Variants in DOCK3 observed in about 807,000 individuals in gnomAD.
DOCK3 encodes the protein dedicator of cytokinesis protein 3.
A neutral mutation model predicts 265.6 loss-of-function variants in DOCK3; 60 were observed. The ratio of observed to expected loss-of-function variants is 0.23; its 90% CI spans 0.18 to 0.28. The LOEUF (loss-of-function observed/expected upper bound fraction) is 0.28, where lower values mean the gene tolerates loss of function less well. DOCK3 is among the 10% of genes least tolerant of loss of function. DOCK3 has a pLI of 1.00. For synonymous variants in DOCK3, 881 were observed against 938.0 expected, an observed-to-expected ratio of 0.94 and a Z score of 1.11; for missense variants, 1,981 against 2,594.3, an observed-to-expected ratio of 0.76 and a Z score of 5.14.
At chr3:51,310,630 T>C (rs1033761075) in intron 28 of DOCK3, among the ~76,000 whole-genome samples, 1 of 152,202 alleles carries the variant, frequency 6.6e-6, no homozygotes, top group Non-Finnish European at 1.5e-5. Flanking sequence ...TCCCAAGCCT[T>C]CTTCTCAGTT....
At chr3:50,840,683 C>A (rs2045780404) in intron 2 of DOCK3, among the ~76,000 whole-genome samples, 2 of 152,158 alleles carry the variant, frequency 1.3e-5, no homozygotes, top group Non-Finnish European at 2.9e-5. Flanking sequence ...CTCATGATGT[C>A]ATTTTCTGTT....
intron 1 of DOCK3, among the ~76,000 whole-genome samples, chr3:50,724,351 C>T (rs1178196807): frequency 6.6e-6 from 1 of 151,250 alleles, no homozygotes; most frequent in East Asian, 1.9e-4. Context: ...TGGGTATATA[C>T]CCAAAGGATT....
At chr3:50,910,174 A>G (rs529909461) in intron 4 of DOCK3, among the ~76,000 whole-genome samples, 10 of 151,998 alleles carry the variant, frequency 6.6e-5, no homozygotes, top group African/African-American at 2.4e-4. Flanking sequence ...ATGCTCCTTT[A>G]TCTCAGTGAA....
chr3:51,318,697 C>T (rs990426439), intron 32 of DOCK3, among the ~76,000 whole-genome samples: 2 of 151,806 alleles, frequency 1.3e-5, no homozygotes, highest in African/African-American at 4.8e-5. Flanking sequence ...GTAAAACTTA[C>T]GTTTATCTAG....
chr3:51,212,994 C>T (rs541149013), intron 13 of DOCK3, among the ~76,000 whole-genome samples: 1 of 152,156 alleles, frequency 6.6e-6, no homozygotes, highest in African/African-American at 2.4e-5. Context: ...TTCCTGGCTA[C>T]TGACATACTT....
chr3:50,971,703 T>C (rs1010989175), intron 5 of DOCK3, among the ~76,000 whole-genome samples: 3 of 132,240 alleles, frequency 2.3e-5, no homozygotes, highest in African/African-American at 5.8e-5. Flanking sequence ...TAAAGGACTT[T>C]ATTTACCAGA....
intron 3 of DOCK3, among the ~76,000 whole-genome samples, chr3:50,870,118 T>C (rs2047364248): frequency 6.6e-6 from 1 of 152,236 alleles, no homozygotes; most frequent in Admixed American, 6.5e-5. Context: ...TGTAAATATC[T>C]ATTCGATTCA....
chr3:50,984,948 G>A (rs918243935), intron 5 of DOCK3, among the ~76,000 whole-genome samples: 10 of 152,272 alleles, frequency 6.6e-5, no homozygotes, highest in East Asian at 3.9e-4. Flanking sequence ...ATACTGTGCC[G>A]TTTTATGTAA....
Position 50,757,163 on chromosome 3 carries a change from C to CTTTT in DOCK3, c.38-21492_38-21489dup, listed in dbSNP as rs34435343. Among the ~76,000 whole-genome samples, 236 of 81,572 alleles carry CTTTT rather than the reference C, an allele frequency of 2.9e-3. 1 individual carries two copies. Among genetic ancestry groups the CTTTT allele is most frequent in the Non-Finnish European group, 3.3e-3 (156 of 47,792 alleles). The allele number at this position is 81,572 out of a possible 152,430, so 53.5% of individuals were successfully genotyped here. ...CCACTGTGCCCAGTCAGATTGTCGTCTTTTTTTTTTTTTTTTTTTTTTTCT... is the reference window on the plus strand; with the variant it reads ...CCACTGTGCCCAGTCAGATTGTCGTCTTTTTTTTTTTTTTTTTTTTTTTTTTTCT... On this transcript the variant is annotated intron_variant, in intron 1 of 52. Transcript: ENST00000266037.
Position 51,064,531 on chromosome 3 carries a change from C to T in DOCK3, c.399C>T (p.His133=), listed in dbSNP as rs369975334. Residue 133 remains histidine, a synonymous_variant, in exon 6 of 53, where the codon CAC becomes CAT. Coordinates refer to ENST00000266037, the MANE Select transcript of DOCK3 (RefSeq NM_004947.5). ...TGCGAAGGCAGCTACTGTCTGGTCA[C>T]CTGACTCAGGATCAGGTGCGGGAGG... ...IDLRRQLLSG[H]LTQDQVREVK... 4.7e-5 allele frequency: 76 copies of T among 1,613,880 alleles called. No homozygotes were observed. Among genetic ancestry groups the T allele is most frequent in the Non-Finnish European group, 5.9e-5 (70 of 1,179,884 alleles).
intron 2 of DOCK3, among the ~76,000 whole-genome samples, chr3:50,836,117 C>T (rs542899669): frequency 6.6e-6 from 1 of 152,240 alleles, no homozygotes; most frequent in South Asian, 2.1e-4. Flanking sequence ...AGAAAAGAGC[C>T]TTATATTTTG....
chr3:50,951,200 C>A lies in DOCK3; in HGVS notation c.315+17123C>A, dbSNP rs201781605. Among the ~76,000 whole-genome samples the A allele has an allele frequency of 5.3e-5, 8 of 152,250 alleles. No individual in the cohort carries two copies. In the East Asian group the frequency reaches 1.4e-3, roughly 26 times the overall value. ...ATCCTCATTTAGCATTGGTGAGTCTCACACCTAGGAAGTAACTAAAGTGAC... is the reference window on the plus strand; with the variant it reads ...ATCCTCATTTAGCATTGGTGAGTCTAACACCTAGGAAGTAACTAAAGTGAC... On this transcript the variant is annotated intron_variant, in intron 5 of 52. Transcript: ENST00000266037.
Position 50,882,877 on chromosome 3 carries a change from T to A in DOCK3, c.163-7149T>A, listed in dbSNP as rs1476824535. ...AACTTGTAACCAACCCAAATGTCCA[T>A]CAATGATAGACTGGATTAAGAAAAT... On this transcript the variant is annotated intron_variant, in intron 3 of 52. Coordinates refer to ENST00000266037, the MANE Select transcript of DOCK3 (RefSeq NM_004947.5). 3.3e-5 allele frequency among the ~76,000 whole-genome samples: 5 copies of A among 152,272 alleles called. 1 individual carries two copies. The highest frequency in any genetic ancestry group is 9.6e-5 in the African/African-American group (4 of 41,542).
rs942193120 is a variant in DOCK3, at chr3:51,359,072, G to A, written c.4884+995G>A. Among the ~76,000 whole-genome samples, 2 of 152,256 alleles carry A rather than the reference G, an allele frequency of 1.3e-5. No individual in the cohort carries two copies. Among genetic ancestry groups the A allele is most frequent in the African/African-American group, 4.8e-5 (2 of 41,468 alleles). On this transcript the variant is annotated intron_variant, in intron 46 of 52. Coordinates refer to ENST00000266037, the MANE Select transcript of DOCK3 (RefSeq NM_004947.5). The surrounding 1 kb of genome is among the most constrained non-coding windows in gnomAD (Gnocchi z 4.8). The stretch of plus-strand genomic sequence containing the variant: ...GACAGAAGTGGCAGGGAGACAAGAA[G>A]TAGAGCTGTTCAATGCTGCACGAGG...
intron 3 of DOCK3, among the ~76,000 whole-genome samples, chr3:50,846,090 C>T (rs576086934): frequency 2.6e-5 from 4 of 152,246 alleles, no homozygotes; most frequent in South Asian, 2.1e-4. Context: ...TTTGCACTAT[C>T]GTCTTTTACT....
chr3:51,257,838 C>G (rs190040383), intron 22 of DOCK3, among the ~76,000 whole-genome samples: 2 of 152,192 alleles, frequency 1.3e-5, no homozygotes, highest in East Asian at 1.9e-4. Context: ...ACCTTCTATT[C>G]CACTCCTCTG....
chr3:51,066,536 A>G (rs2081597704), intron 6 of DOCK3, among the ~76,000 whole-genome samples: 1 of 152,152 alleles, frequency 6.6e-6, no homozygotes, highest in South Asian at 2.1e-4. Flanking sequence ...TGCCAGCCAG[A>G]GTTTTATTTT....
rs1453990072 is a variant in DOCK3, at chr3:51,312,470, G to T, written c.3094-6G>T. Reference sequence around the variant, plus strand: ...TGTCACATTTTCTCTTTCTCTGTCTGTCTAGGTGTGGAATTCTTACTTTAG... The same window carrying T: ...TGTCACATTTTCTCTTTCTCTGTCTTTCTAGGTGTGGAATTCTTACTTTAG... On this transcript the variant is annotated splice_polypyrimidine_tract_variant and splice_region_variant and intron_variant, in intron 29 of 52. Coordinates refer to ENST00000266037, the MANE Select transcript of DOCK3 (RefSeq NM_004947.5). The T allele has an allele frequency of 1.2e-6, 2 of 1,612,556 alleles. No individual in the cohort carries two copies. Among genetic ancestry groups the T allele is most frequent in the Middle Eastern group, 1.6e-4 (1 of 6,078 alleles).
intron 22 of DOCK3, among the ~76,000 whole-genome samples, chr3:51,258,433 A>G (rs749632370): frequency 9.9e-5 from 15 of 152,124 alleles, no homozygotes; most frequent in Non-Finnish European, 2.2e-4. Flanking sequence ...TATGCATAAT[A>G]CATTTTTGGT....
Sources: allele counts gnomAD v4.1 joint callset (sites outside exome capture counted in the v4.1 genomes callset), GRCh38; gene constraint gnomAD v4.1.1; non-coding constraint Gnocchi (gnomAD v3.1); transcripts MANE v1.5; gene names NCBI Gene and HGNC (gene_info 2026-07-23, HGNC 2026-07-21).